The following PRKG1 variants were observed in gnomAD, a reference collection of about 807,000 sequenced individuals.
The protein encoded by PRKG1 is cGMP-dependent protein kinase 1.
PRKG1 carries 35 observed loss-of-function variants against 88.1 expected under a neutral mutation model. The ratio of observed to expected loss-of-function variants is 0.40; its 90% CI spans 0.30 to 0.53. The LOEUF (loss-of-function observed/expected upper bound fraction) is 0.53, where lower values mean the gene tolerates loss of function less well. Ranked by LOEUF, PRKG1 falls within the 20% of genes least tolerant of loss-of-function variation. The probability of loss-of-function intolerance (pLI) is 0.59; values close to 1 mark genes in which losing one functional copy is unlikely to be tolerated. For missense variants in PRKG1, 540 were observed against 839.8 expected, an observed-to-expected ratio of 0.64 and a Z score of 4.41; for synonymous variants, 303 against 292.5, an observed-to-expected ratio of 1.04 and a Z score of -0.37.
chr10:52,292,875 A>C (rs1276733063), intron 17 of PRKG1, among the ~76,000 whole-genome samples: 1 of 151,668 alleles, frequency 6.6e-6, no homozygotes. Context: ...CTCTCTCACC[A>C]CTCCTATTCA....
At chr10:51,147,006 ACCTG>A (rs1845960903) in intron 1 of PRKG1, among the ~76,000 whole-genome samples, 1 of 152,162 alleles carries the variant, frequency 6.6e-6, no homozygotes. Flanking sequence ...ACATAGATGA[ACCTG>A]GAGGACATTG....
intron 3 of PRKG1, among the ~76,000 whole-genome samples, chr10:51,784,553 A>G (rs973327358): frequency 6.6e-6 from 1 of 152,158 alleles, no homozygotes; most frequent in South Asian, 2.1e-4. Context: ...TGTTTAAGAA[A>G]AAAATCAGTT....
Position 52,133,886 on chromosome 10 carries a change from T to G in PRKG1, c.982T>G (p.Cys328Gly), listed in dbSNP as rs773803945. The stretch of plus-strand genomic sequence containing the variant: ...CGTAATTGCTGCAGAAGCTGTAACC[T>G]GCCTTGTGATTGACAGAGAGTAAGT... Reference protein sequence around the residue: ...ANVIAAEAVTCLVIDRDSFKH... With the variant: ...ANVIAAEAVTGLVIDRDSFKH... Residue 328 changes from cysteine to glycine, a missense_variant, in exon 8 of 18, where the codon TGC (cysteine) becomes GGC (glycine). Physicochemically the swap from Cys to Gly is radical, Grantham distance 159 (BLOSUM62 -3). This residue lies in a region of PRKG1 where 400 missense variants were observed against 562.7 expected (regional missense o/e 0.71). Coordinates refer to ENST00000373980, the MANE Select transcript of PRKG1 (RefSeq NM_006258.4). 6.2e-7 allele frequency: 1 copy of G among 1,613,064 alleles called. No homozygotes were observed. Among genetic ancestry groups the G allele is most frequent in the East Asian group, 2.2e-5 (1 of 44,804 alleles).
intron 1 of PRKG1, among the ~76,000 whole-genome samples, chr10:51,016,945 G>A (rs1018689190): frequency 6.6e-6 from 1 of 151,562 alleles, no homozygotes; most frequent in Non-Finnish European, 1.5e-5. Context: ...GGGATTACAT[G>A]TGTGAGCCAC....
chr10:51,988,736 T>G (rs945996065), intron 5 of PRKG1, among the ~76,000 whole-genome samples: 2 of 152,020 alleles, frequency 1.3e-5, no homozygotes, highest in African/African-American at 2.4e-5. Flanking sequence ...ATTGGTAAAA[T>G]TTTTTTCTTT....
intron 4 of PRKG1, among the ~76,000 whole-genome samples, chr10:51,903,281 CA>C (rs1468441506): frequency 1.3e-5 from 2 of 151,886 alleles, no homozygotes; most frequent in Non-Finnish European, 2.9e-5. Flanking sequence ...AAACAAAAAA[CA>C]ATTGATAAAG....
chr10:52,055,461 AC>A (rs1846088165), intron 6 of PRKG1, among the ~76,000 whole-genome samples: 1 of 152,212 alleles, frequency 6.6e-6, no homozygotes, highest in African/African-American at 2.4e-5. Context: ...TATTTCTAAA[AC>A]TTTTAATTTT....
chr10:51,334,952 A>G (rs1841836157), intron 2 of PRKG1, among the ~76,000 whole-genome samples: 1 of 151,956 alleles, frequency 6.6e-6, no homozygotes, highest in South Asian at 2.1e-4. Flanking sequence ...GTTTAAAACA[A>G]AATATGAGTG....
chr10:51,640,110 T>C (rs1202290293), intron 3 of PRKG1, among the ~76,000 whole-genome samples: 2 of 152,200 alleles, frequency 1.3e-5, no homozygotes, highest in Non-Finnish European at 2.9e-5. Flanking sequence ...ATTGTCATTG[T>C]CCTCAACATC....
intron 3 of PRKG1, among the ~76,000 whole-genome samples, chr10:51,644,011 G>T (rs1046510966): frequency 2.6e-5 from 4 of 151,386 alleles, no homozygotes; most frequent in African/African-American, 4.9e-5. Flanking sequence ...TGAGGTTGTT[G>T]TGAGGATTAA....
At chr10:52,146,220 T>C (rs1837723270) in intron 8 of PRKG1, among the ~76,000 whole-genome samples, 2 of 152,210 alleles carry the variant, frequency 1.3e-5, no homozygotes, top group African/African-American at 4.8e-5. Flanking sequence ...TGATTATAAA[T>C]GTAATAACTG....
intron 12 of PRKG1, among the ~76,000 whole-genome samples, chr10:52,273,502 A>G (rs950534521): frequency 1.3e-5 from 2 of 152,078 alleles, no homozygotes; most frequent in Non-Finnish European, 2.9e-5. Context: ...ATACCCCAGA[A>G]TAAAACAAGT....
chr10:52,082,192 G>A (rs142033540), intron 7 of PRKG1, among the ~76,000 whole-genome samples: 17 of 152,198 alleles, frequency 1.1e-4, no homozygotes, highest in African/African-American at 3.6e-4. Context: ...AAGAACAGCA[G>A]CACAGGGTAA....
At chr10:51,206,318 C>T (rs974719089) in intron 2 of PRKG1, among the ~76,000 whole-genome samples, 2 of 151,328 alleles carry the variant, frequency 1.3e-5, no homozygotes, top group South Asian at 2.1e-4. Context: ...GGTGAAACCC[C>T]GTCTCTACTA....
intron 10 of PRKG1, among the ~76,000 whole-genome samples, chr10:52,264,359 C>T (rs1841514901): frequency 6.6e-6 from 1 of 152,010 alleles, no homozygotes; most frequent in Non-Finnish European, 1.5e-5. Context: ...TACTCACAGT[C>T]TCTCAATGTA....
intron 9 of PRKG1, among the ~76,000 whole-genome samples, chr10:52,204,685 G>T (rs1382729794): frequency 6.6e-6 from 1 of 152,154 alleles, no homozygotes; most frequent in South Asian, 2.1e-4. Context: ...CATCATCTTT[G>T]TAAACTGAGG....
chr10:51,188,475 CAT>C (rs922727476), intron 2 of PRKG1, among the ~76,000 whole-genome samples: 3 of 151,580 alleles, frequency 2.0e-5, no homozygotes, highest in African/African-American at 7.3e-5. Flanking sequence ...GATCATGTAT[CAT>C]GTTTTCATTA....
intron 3 of PRKG1, among the ~76,000 whole-genome samples, chr10:51,743,138 T>C (rs1412473755): frequency 6.6e-6 from 1 of 152,054 alleles, no homozygotes; most frequent in Non-Finnish European, 1.5e-5. Flanking sequence ...ACATTTGTAA[T>C]AAGTTCTAAC....
At chr10:52,221,106 A>G (rs1419981499) in intron 9 of PRKG1, among the ~76,000 whole-genome samples, 2 of 152,012 alleles carry the variant, frequency 1.3e-5, no homozygotes, top group Non-Finnish European at 2.9e-5. Context: ...GACTGGTATG[A>G]GTATCTCATT....
Sources: gnomAD v4.1 joint callset for allele counts (sites outside exome capture counted in the v4.1 genomes callset) on GRCh38, gnomAD v4.1.1 for gene constraint, gnomAD v4.1.1 regional missense constraint, MANE v1.5 for transcripts, NCBI Gene and HGNC (gene_info 2026-07-23, HGNC 2026-07-21) for gene names.